ZCCHC7: variants seen among roughly 807,000 people sequenced by gnomAD.
ZCCHC7 encodes the protein zinc finger CCHC-type containing 7, also known as zinc finger CCHC domain-containing protein 7.
A neutral mutation model predicts 52.0 loss-of-function variants in ZCCHC7; 35 were observed. The ratio of observed to expected loss-of-function variants is 0.67; its 90% CI spans 0.51 to 0.89. The LOEUF is 0.89. ZCCHC7 is among the 40% of genes least tolerant of loss of function. The pLI is 0.00. For missense variants in ZCCHC7, 574 were observed against 649.1 expected, an observed-to-expected ratio of 0.88 and a Z score of 1.26; for synonymous variants, 217 against 221.5, an observed-to-expected ratio of 0.98 and a Z score of 0.18.
intron 6 of ZCCHC7, among the ~76,000 whole-genome samples, chr9:37,333,406 C>G (rs1830524614): frequency 6.6e-6 from 1 of 151,592 alleles, no homozygotes; most frequent in Admixed American, 6.6e-5. Flanking sequence ...GACTTCCTTT[C>G]TTTATTTGAC....
chr9:37,164,837 A>G (rs546921361), intron 2 of ZCCHC7, among the ~76,000 whole-genome samples: 1 of 152,276 alleles, frequency 6.6e-6, no homozygotes, highest in Non-Finnish European at 1.5e-5. Context: ...AAGTGTTGAC[A>G]TTACAGTCAT....
At chr9:37,278,930 T>TCCCA (rs1827816678) in intron 2 of ZCCHC7, among the ~76,000 whole-genome samples, 3 of 152,172 alleles carry the variant, frequency 2.0e-5, no homozygotes, top group African/African-American at 7.2e-5. Context: ...ACACCTGTAA[T>TCCCA]CCCAGCATTT....
chr9:37,234,381 T>C (rs948934655), intron 2 of ZCCHC7, among the ~76,000 whole-genome samples: 6 of 152,268 alleles, frequency 3.9e-5, no homozygotes, highest in Non-Finnish European at 8.8e-5. Flanking sequence ...TTAACACCTA[T>C]GTCTCAGACA....
chr9:37,182,980 T>C (rs1000646127), intron 2 of ZCCHC7, among the ~76,000 whole-genome samples: 5 of 152,108 alleles, frequency 3.3e-5, no homozygotes, highest in African/African-American at 1.2e-4. Flanking sequence ...CTGGGCACCA[T>C]AGTGAGACCC....
At chr9:37,197,333 A>G (rs1823343104) in intron 2 of ZCCHC7, among the ~76,000 whole-genome samples, 2 of 152,202 alleles carry the variant, frequency 1.3e-5, no homozygotes, top group African/African-American at 4.8e-5. Flanking sequence ...AGCTTTTGCT[A>G]AGGAGGGAAT....
chr9:37,287,699 T>A (rs1339341447), intron 2 of ZCCHC7, among the ~76,000 whole-genome samples: 1 of 152,160 alleles, frequency 6.6e-6, no homozygotes, highest in Non-Finnish European at 1.5e-5. Flanking sequence ...AAAAGTACCT[T>A]TTTTGCATTT....
intron 2 of ZCCHC7, among the ~76,000 whole-genome samples, chr9:37,184,702 G>GTT: frequency 6.6e-6 from 1 of 152,082 alleles, no homozygotes; most frequent in African/African-American, 2.4e-5. Context: ...TGTTGTTGTT[G>GTT]TTGTTGTTGT....
intron 2 of ZCCHC7, among the ~76,000 whole-genome samples, chr9:37,257,054 A>AT (rs1826625315): frequency 6.6e-6 from 1 of 152,204 alleles, no homozygotes; most frequent in Non-Finnish European, 1.5e-5. Flanking sequence ...GTAGTTTTCA[A>AT]GGTGGCTTTG....
intron 2 of ZCCHC7, among the ~76,000 whole-genome samples, chr9:37,220,499 G>A (rs555058007): frequency 1.2e-4 from 19 of 152,284 alleles, no homozygotes; most frequent in African/African-American, 4.6e-4. Context: ...CTGAGATCGT[G>A]CCACTGCGCT....
At chr9:37,233,227 A>G (rs1379529472) in intron 2 of ZCCHC7, among the ~76,000 whole-genome samples, 3 of 152,204 alleles carry the variant, frequency 2.0e-5, no homozygotes, top group South Asian at 2.1e-4. Flanking sequence ...TTAGCCTAGC[A>G]TATCTTAAGC....
In ZCCHC7 at chr9:37,280,539, AATAG is replaced by A; in HGVS notation, c.611-21647_611-21644del. 1.3e-5 allele frequency among the ~76,000 whole-genome samples: 2 copies of A among 152,300 alleles called. 1 individual carries two copies. The highest frequency in any genetic ancestry group is 4.1e-4 in the South Asian group (2 of 4,826). ...ATCTTAGACTTTGTTCTTTGATCATAATAGAATTAGAAATCAATAACAAAAAATC... is the reference window on the plus strand; with the variant it reads ...ATCTTAGACTTTGTTCTTTGATCATAAATTAGAAATCAATAACAAAAAATC... On this transcript the variant is annotated intron_variant, in intron 2 of 8. Coordinates refer to ENST00000336755, the MANE Select transcript of ZCCHC7 (RefSeq NM_032226.3).
chr9:37,312,478 A>C (rs1829641808), intron 5 of ZCCHC7, among the ~76,000 whole-genome samples: 2 of 152,232 alleles, frequency 1.3e-5, no homozygotes, highest in South Asian at 4.1e-4. Flanking sequence ...GATAAATAAA[A>C]GAGTCTTAGA....
intron 5 of ZCCHC7, among the ~76,000 whole-genome samples, chr9:37,307,367 C>T (rs924352813): frequency 6.6e-6 from 1 of 151,916 alleles, no homozygotes; most frequent in Non-Finnish European, 1.5e-5. Flanking sequence ...GTCTTAATTG[C>T]GTTTCTTACT....
intron 2 of ZCCHC7, among the ~76,000 whole-genome samples, chr9:37,243,069 C>T (rs1462137891): frequency 6.6e-6 from 1 of 151,472 alleles, no homozygotes; most frequent in Non-Finnish European, 1.5e-5. Flanking sequence ...AACCAAAATG[C>T]CCAGATTATT....
rs184135435 is a variant in ZCCHC7 at position 37,287,130 on chromosome 9, A to G, written c.611-15058A>G. Among the ~76,000 whole-genome samples the G allele has an allele frequency of 8.1e-4, 117 of 144,232 alleles. 1 individual carries two copies. The highest frequency in any genetic ancestry group is 2.1e-3 in the Admixed American group (30 of 14,098). The allele number at this position is 144,232 out of a possible 152,430, so 94.6% of individuals were successfully genotyped here. On this transcript the variant is annotated intron_variant, in intron 2 of 8. Coordinates refer to ENST00000336755, the MANE Select transcript of ZCCHC7 (RefSeq NM_032226.3). ...CTGCAACCTCTGCCTCCCGGGCTCT[A>G]GCAGTCCTACTGCCTCAGCCTCCCA...
intron 5 of ZCCHC7, among the ~76,000 whole-genome samples, chr9:37,314,041 T>C (rs778798890): frequency 1.1e-4 from 16 of 152,220 alleles, no homozygotes; most frequent in Non-Finnish European, 1.6e-4. Flanking sequence ...TCCAATCTTT[T>C]CAACTCTCCG....
rs533837034 is a variant in ZCCHC7 at position 37,227,948 on chromosome 9, A to G, written c.611-74240A>G. Among the ~76,000 whole-genome samples the G allele has an allele frequency of 3.9e-5, 6 of 152,116 alleles. No individual in the cohort carries two copies. The South Asian group carries it at 1.2e-3, about 32-fold the overall frequency. On this transcript the variant is annotated intron_variant, in intron 2 of 8. Transcript: ENST00000336755. ...GTATCTGGGATTACTGGTGCACACC[A>G]CCACACCCAGCTAAATTTTTGGAAT... is the stretch of plus-strand genomic sequence containing the variant.
chr9:37,267,838 A>G (rs1031723873), intron 2 of ZCCHC7, among the ~76,000 whole-genome samples: 2 of 151,726 alleles, frequency 1.3e-5, no homozygotes, highest in African/African-American at 2.4e-5. Context: ...CAGAGTGCTG[A>G]GATTACAGGC....
intron 2 of ZCCHC7, among the ~76,000 whole-genome samples, chr9:37,201,650 T>C (rs1371767337): frequency 2.6e-5 from 4 of 152,118 alleles, no homozygotes; most frequent in Non-Finnish European, 4.4e-5. Flanking sequence ...GTGAATATGT[T>C]TAAATAGCAG....
Sources: gnomAD v4.1 joint callset for allele counts (sites outside exome capture counted in the v4.1 genomes callset) on GRCh38, gnomAD v4.1.1 for gene constraint, MANE v1.5 for transcripts, NCBI Gene and HGNC (gene_info 2026-07-23, HGNC 2026-07-21) for gene names.